GRIP1: variants seen among roughly 807,000 people sequenced by gnomAD.
GRIP1 encodes the protein glutamate receptor-interacting protein 1.
In GRIP1, 45 loss-of-function variants were observed where a neutral mutation model predicts 129.9. The observed-to-expected ratio is 0.35, with a 90% CI of 0.27 to 0.44. GRIP1 has a LOEUF of 0.44. Ranked by LOEUF, GRIP1 falls within the 20% of genes least tolerant of loss-of-function variation. GRIP1 has a pLI of 1.00. For missense variants in GRIP1, 1,196 were observed against 1,396.8 expected (o/e 0.86, Z 2.29); for synonymous variants, 530 against 520.8 (o/e 1.02, Z -0.24).
chr12:66,828,355 C>T (rs2039455136), intron 1 of GRIP1, among the ~76,000 whole-genome samples: 1 of 152,118 alleles, frequency 6.6e-6, no homozygotes, highest in South Asian at 2.1e-4. Context: ...CTGAGTTCAC[C>T]TTTCAAATTT....
chr12:66,507,790 C>A (rs75110633), intron 7 of GRIP1, among the ~76,000 whole-genome samples: 1,828 of 143,870 alleles, frequency 0.013, 42 homozygotes, highest in East Asian at 0.11. Flanking sequence ...TTTTTTTTTA[C>A]AGAGGGATCT....
intron 1 of GRIP1, among the ~76,000 whole-genome samples, chr12:66,908,589 ACACCCTCTTG>A (rs200535012): frequency 0.012 from 1,893 of 152,290 alleles, 25 homozygotes; most frequent in Middle Eastern, 0.031. Flanking sequence ...TGCATATTAA[ACACCCTCTTG>A]CACAGAGTTT....
intron 1 of GRIP1, among the ~76,000 whole-genome samples, chr12:67,050,968 G>A (rs928909763): frequency 2.0e-5 from 3 of 152,156 alleles, no homozygotes; most frequent in Admixed American, 2.0e-4. Context: ...CTAGTAAAAA[G>A]CTAAAATCAG....
chr12:66,723,242 TCC>T (rs2036128641), intron 1 of GRIP1, among the ~76,000 whole-genome samples: 13 of 57,324 alleles, frequency 2.3e-4, no homozygotes, highest in South Asian at 7.1e-4. Context: ...CTCTCTCTCT[TCC>T]TTCCTTCCTT....
chr12:66,858,145 T>C (rs1260273463), intron 1 of GRIP1, among the ~76,000 whole-genome samples: 1 of 152,028 alleles, frequency 6.6e-6, no homozygotes, highest in African/African-American at 2.4e-5. Flanking sequence ...TTATTCAGCA[T>C]GGTAAAGGAA....
intron 1 of GRIP1, among the ~76,000 whole-genome samples, chr12:66,878,995 T>C (rs2137182252): frequency 6.6e-6 from 1 of 152,036 alleles, no homozygotes; most frequent in South Asian, 2.1e-4. Context: ...ATTGAGGGGT[T>C]GGTAGCTAGG....
chr12:66,474,260 G>A (rs2059534814), intron 7 of GRIP1, among the ~76,000 whole-genome samples: 2 of 151,928 alleles, frequency 1.3e-5, no homozygotes, highest in South Asian at 2.1e-4. Flanking sequence ...ATGAAATAAA[G>A]TGTGAAGACA....
At chr12:66,859,202 A>G in intron 1 of GRIP1, among the ~76,000 whole-genome samples, 1 of 141,044 alleles carries the variant, frequency 7.1e-6, no homozygotes, top group East Asian at 2.1e-4. Flanking sequence ...AACGCAACAA[A>G]TTGCCAGGAA....
At chr12:66,432,520 T>A in intron 14 of GRIP1, 28 bp downstream of exon 14, 1 of 1,346,814 alleles carries the variant, frequency 7.4e-7, no homozygotes, top group Non-Finnish European at 1.1e-6. Flanking sequence ...CCTTTAAAAA[T>A]TATTTAAAAG....
intron 2 of GRIP1, among the ~76,000 whole-genome samples, chr12:66,560,589 T>C (rs1010263797): frequency 1.3e-5 from 2 of 152,068 alleles, no homozygotes; most frequent in Admixed American, 6.6e-5. Flanking sequence ...CTCAACATCA[T>C]TGATCAGCAG....
intron 1 of GRIP1, among the ~76,000 whole-genome samples, chr12:66,610,209 C>T (rs939320782): frequency 6.6e-6 from 1 of 151,804 alleles, no homozygotes; most frequent in Admixed American, 6.6e-5. Context: ...GGAATATATA[C>T]ATATATATAC....
intron 11 of GRIP1, among the ~76,000 whole-genome samples, chr12:66,455,015 C>T (rs541743476): frequency 1.3e-5 from 2 of 152,080 alleles, no homozygotes; most frequent in Non-Finnish European, 2.9e-5. Context: ...ATCGTTTTCA[C>T]AAAATTTCTT....
intron 11 of GRIP1, among the ~76,000 whole-genome samples, chr12:66,454,595 A>C (rs1017798726): frequency 1.3e-5 from 2 of 152,212 alleles, no homozygotes; most frequent in East Asian, 3.9e-4. Context: ...TAAGGCATTC[A>C]ATCACCTTTT....
At chr12:66,763,730 C>G (rs115317188) in intron 1 of GRIP1, among the ~76,000 whole-genome samples, 1,988 of 152,246 alleles carry the variant, frequency 0.013, 52 homozygotes, top group African/African-American at 0.046. Flanking sequence ...ATGATGTACA[C>G]AAATGAATCT....
intron 14 of GRIP1, among the ~76,000 whole-genome samples, chr12:66,424,631 T>C (rs1460958611): frequency 3.9e-5 from 6 of 152,216 alleles, no homozygotes; most frequent in African/African-American, 1.4e-4. Flanking sequence ...TTGGAATTTA[T>C]TTTAGCATGA....
chr12:66,959,276 A>T (rs1377569076), intron 1 of GRIP1, among the ~76,000 whole-genome samples: 3 of 152,060 alleles, frequency 2.0e-5, no homozygotes, highest in Non-Finnish European at 2.9e-5. Context: ...TATAATTTAA[A>T]CTAATTTATA....
At chr12:66,636,817 G>A (rs534704020) in intron 1 of GRIP1, among the ~76,000 whole-genome samples, 1 of 152,016 alleles carries the variant, frequency 6.6e-6, no homozygotes, top group African/African-American at 2.4e-5. Context: ...CTGCAAACCA[G>A]GAAAAGGGCC....
chr12:66,928,795 T>C (rs534333458), intron 1 of GRIP1, among the ~76,000 whole-genome samples: 1 of 152,362 alleles, frequency 6.6e-6, no homozygotes, highest in South Asian at 2.1e-4. Context: ...AGAATATTAT[T>C]GACATATACA....
At chr12:66,495,793 C>T (rs2060222900) in intron 7 of GRIP1, among the ~76,000 whole-genome samples, 1 of 152,152 alleles carries the variant, frequency 6.6e-6, no homozygotes, top group South Asian at 2.1e-4. Context: ...TTTTAAGGAA[C>T]TCAACAGATG....
Sources: gnomAD v4.1 joint callset for allele counts (sites outside exome capture counted in the v4.1 genomes callset) on GRCh38, gnomAD v4.1.1 for gene constraint, MANE v1.5 for transcripts, NCBI Gene and HGNC (gene_info 2026-07-23, HGNC 2026-07-21) for gene names.